The following FGF12 variants were observed in gnomAD, a reference collection of about 807,000 sequenced individuals.
FGF12 encodes fibroblast growth factor 12B.
FGF12 carries 14 observed loss-of-function variants against 23.6 expected under a neutral mutation model. The ratio of observed to expected loss-of-function variants is 0.59; its 90% CI spans 0.39 to 0.93. The LOEUF (loss-of-function observed/expected upper bound fraction) is 0.93, where lower values mean the gene tolerates loss of function less well. Among genes scored for constraint, FGF12 ranks in the 40% least tolerant of loss-of-function variants. FGF12 has a pLI of 0.00. For synonymous variants in FGF12, 62 were observed against 77.3 expected, an observed-to-expected ratio of 0.80 and a Z score of 1.04; for missense variants, 175 against 217.8, an observed-to-expected ratio of 0.80 and a Z score of 1.24.
intron 2 of FGF12, among the ~76,000 whole-genome samples, chr3:192,502,224 T>C (rs377364648): frequency 6.6e-6 from 1 of 152,222 alleles, no homozygotes; most frequent in East Asian, 1.9e-4. Context: ...ACCACCATTG[T>C]AACAGATGCT....
chr3:192,434,414 G>A (rs1721954680), intron 2 of FGF12, among the ~76,000 whole-genome samples: 1 of 152,220 alleles, frequency 6.6e-6, no homozygotes, highest in Admixed American at 6.5e-5. Flanking sequence ...TACAGGTAAA[G>A]TTGAACTCAG....
At chr3:192,201,453 T>G (rs1032879621) in intron 4 of FGF12, among the ~76,000 whole-genome samples, 1 of 152,202 alleles carries the variant, frequency 6.6e-6, no homozygotes, top group Non-Finnish European at 1.5e-5. Context: ...ACTTGCCATT[T>G]TACAAAATAC....
intron 2 of FGF12, among the ~76,000 whole-genome samples, chr3:192,632,420 A>G (rs1472555618): frequency 6.6e-6 from 1 of 152,228 alleles, no homozygotes; most frequent in African/African-American, 2.4e-5. Flanking sequence ...TTTTTCCCCC[A>G]GTAAGTAAAG....
At chr3:192,497,488 C>T (rs1723998491) in intron 2 of FGF12, among the ~76,000 whole-genome samples, 1 of 152,196 alleles carries the variant, frequency 6.6e-6, no homozygotes, top group Non-Finnish European at 1.5e-5. Context: ...CACCGTTGTC[C>T]AAAATCCTTC....
intron 4 of FGF12, among the ~76,000 whole-genome samples, chr3:192,280,024 A>G (rs12186007): frequency 0.057 from 8,615 of 152,334 alleles, 270 homozygotes; most frequent in South Asian, 0.082. Context: ...CTATCTGAAC[A>G]TAACATGCAA....
intron 2 of FGF12, among the ~76,000 whole-genome samples, chr3:192,465,540 C>T (rs1396007585): frequency 6.6e-6 from 1 of 152,124 alleles, no homozygotes; most frequent in African/African-American, 2.4e-5. Context: ...CCTGGGCTGG[C>T]GTCTGGAAAC....
intron 2 of FGF12, among the ~76,000 whole-genome samples, chr3:192,720,628 A>G (rs1036367495): frequency 6.6e-6 from 1 of 152,146 alleles, no homozygotes; most frequent in South Asian, 2.1e-4. Context: ...TTGCATATCT[A>G]TTTTCAATCC....
chr3:192,302,385 A>G (rs545463843), intron 4 of FGF12, among the ~76,000 whole-genome samples: 39 of 152,328 alleles, frequency 2.6e-4, no homozygotes, highest in African/African-American at 8.7e-4. Context: ...CATATAATTA[A>G]GATTTTGTTG....
intron 3 of FGF12, among the ~76,000 whole-genome samples, chr3:192,339,193 G>C (rs540438750): frequency 1.3e-5 from 2 of 152,246 alleles, no homozygotes; most frequent in African/African-American, 4.8e-5. Flanking sequence ...AGTTTCTCTG[G>C]AAAGGTCCTC....
chr3:192,224,932 C>T (rs1451650521), intron 4 of FGF12, among the ~76,000 whole-genome samples: 3 of 152,016 alleles, frequency 2.0e-5, no homozygotes, highest in Non-Finnish European at 4.4e-5. Context: ...AATAGAAATT[C>T]CTGATACCAT....
At chr3:192,162,556 C>T (rs966736801) in intron 5 of FGF12, among the ~76,000 whole-genome samples, 5 of 152,060 alleles carry the variant, frequency 3.3e-5, no homozygotes, top group African/African-American at 1.2e-4. Context: ...GTATCACAGG[C>T]TGGCAGAAAC....
At chr3:192,499,516 ATTTTTTT>A (rs71177364) in intron 2 of FGF12, among the ~76,000 whole-genome samples, 20 of 38,834 alleles carry the variant, frequency 5.2e-4, no homozygotes, top group African/African-American at 1.8e-3. Context: ...ATATATATAT[ATTTTTTT>A]TTTTTTTTTT....
intron 2 of FGF12, among the ~76,000 whole-genome samples, chr3:192,490,637 C>CT (rs2108825772): frequency 6.6e-6 from 1 of 152,112 alleles, no homozygotes; most frequent in Admixed American, 6.6e-5. Context: ...AAACCCCAAA[C>CT]TGAAAACAAC....
chr3:192,281,635 C>T (rs958822622), intron 4 of FGF12, among the ~76,000 whole-genome samples: 1 of 152,054 alleles, frequency 6.6e-6, no homozygotes, highest in South Asian at 2.1e-4. Context: ...TGCCGAAGGT[C>T]GCACTGTGAC....
At chr3:192,421,464 T>C (rs1407857560) in intron 2 of FGF12, among the ~76,000 whole-genome samples, 4 of 151,734 alleles carry the variant, frequency 2.6e-5, no homozygotes, top group Non-Finnish European at 5.9e-5. Flanking sequence ...GTAGCAAAGA[T>C]TGTCAGCATG....
In FGF12 at chr3:192,150,966, T is replaced by C. The variant is rs1056887809; in HGVS notation, c.428-6839A>G. 9.1e-4 allele frequency among the ~76,000 whole-genome samples: 133 copies of C among 146,356 alleles called. 3 individuals are homozygous for C. The highest frequency in any genetic ancestry group is 3.3e-3 in the African/African-American group (129 of 39,472). On this transcript the variant is annotated intron_variant, in intron 5 of 5. Coordinates refer to ENST00000445105, the MANE Select transcript of FGF12 (RefSeq NM_004113.6). The stretch of plus-strand genomic sequence containing the variant: ...GCCATGAGCATGGAATGTTCTTCCA[T>C]TTGTTTGTATCCTCTTTTATTTCCT...
chr3:192,565,279 C>T (rs1712224392), intron 2 of FGF12, among the ~76,000 whole-genome samples: 1 of 152,182 alleles, frequency 6.6e-6, no homozygotes, highest in South Asian at 2.1e-4. Context: ...GTTGAAGATG[C>T]TAAGACAAAT....
At position 192,259,589 on chromosome 3, in the gene FGF12, A is replaced by G. The variant is rs1023298624; in HGVS notation, c.228+75772T>C. Among the ~76,000 whole-genome samples, 8 of 152,266 alleles carry G rather than the reference A, an allele frequency of 5.3e-5. No homozygotes were observed. In the South Asian group the frequency reaches 1.5e-3, roughly 28 times the overall value. On this transcript the variant is annotated intron_variant, in intron 4 of 5. Transcript: ENST00000445105. The stretch of plus-strand genomic sequence containing the variant: ...AATAATTTTCCCATGAGAGGAAAAA[A>G]ATGTTTTAGGAAATGTTTGTAAGTA...
chr3:192,572,806 G>T (rs958793981), intron 2 of FGF12, among the ~76,000 whole-genome samples: 1 of 152,086 alleles, frequency 6.6e-6, no homozygotes, highest in Non-Finnish European at 1.5e-5. Context: ...AAATGCAGGG[G>T]ACTCACTGTC....
Sources: allele counts gnomAD v4.1 joint callset (sites outside exome capture counted in the v4.1 genomes callset), GRCh38; gene constraint gnomAD v4.1.1; transcripts MANE v1.5; gene names NCBI Gene and HGNC (gene_info 2026-07-23, HGNC 2026-07-21).